Variants in PRR33 observed in about 807,000 individuals in gnomAD.
The protein encoded by PRR33 is proline rich 33.
PRR33 carries 1 observed loss-of-function variant against 0.5 expected under a neutral mutation model. The ratio of observed to expected loss-of-function variants is 2.18; its 90% CI spans 0.77 to 10.34. PRR33 has a LOEUF of 10.34. PRR33 is among the 30% of genes most tolerant of loss of function. The probability of loss-of-function intolerance (pLI) is 0.13; values close to 1 mark genes in which losing one functional copy is unlikely to be tolerated. For synonymous variants in PRR33, 226 were observed against 110.0 expected, an observed-to-expected ratio of 2.06 and a Z score of -6.60; for missense variants, 552 against 251.8, an observed-to-expected ratio of 2.19 and a Z score of -8.07.
the PRR33 span, among the ~76,000 whole-genome samples, chr11:1,899,293 C>A: frequency 6.6e-6 from 1 of 152,084 alleles, no homozygotes; most frequent in Non-Finnish European, 1.5e-5. Context: ...GCGATGCCCT[C>A]TTGAGCGGTG....
the PRR33 span, among the ~76,000 whole-genome samples, chr11:1,914,449 T>C: frequency 1.6e-4 from 24 of 148,356 alleles, 1 homozygote; most frequent in South Asian, 5.0e-3. Flanking sequence ...GTGTGTGTGT[T>C]GTTGGGTCAC....
the PRR33 span, among the ~76,000 whole-genome samples, chr11:1,901,040 G>A: frequency 1.1e-4 from 16 of 152,170 alleles, no homozygotes; most frequent in African/African-American, 3.1e-4. Flanking sequence ...GGCCAGGCAC[G>A]GTGGCTTACG....
the PRR33 span, among the ~76,000 whole-genome samples, chr11:1,903,963 T>C: frequency 6.6e-6 from 1 of 152,206 alleles, no homozygotes; most frequent in Non-Finnish European, 1.5e-5. Context: ...AGCCAGTGAA[T>C]GATCAAATCA....
the PRR33 span, among the ~76,000 whole-genome samples, chr11:1,897,858 G>A: frequency 2.6e-5 from 4 of 152,156 alleles, no homozygotes; most frequent in South Asian, 2.1e-4. The surrounding 1 kb of genome is among the most constrained non-coding windows in gnomAD (Gnocchi z 4.0). Flanking sequence ...AATGCAGAGC[G>A]CCAGGGAGAC....
At chr11:1,912,064 T>C in the PRR33 span, among the ~76,000 whole-genome samples, 1 of 147,248 alleles carries the variant, frequency 6.8e-6, no homozygotes, top group Non-Finnish European at 1.5e-5. Flanking sequence ...CCCAGCTATG[T>C]GAGAGGGTGA....
the PRR33 span, among the ~76,000 whole-genome samples, chr11:1,914,855 G>C: frequency 0.076 from 6,536 of 85,518 alleles, 210 homozygotes; most frequent in South Asian, 0.15. Context: ...AGATGTTTCT[G>C]TGTGTGTGTG....
At chr11:1,909,831 T>C in the PRR33 span, among the ~76,000 whole-genome samples, 1 of 152,204 alleles carries the variant, frequency 6.6e-6, no homozygotes. Flanking sequence ...TGGCTTCATC[T>C]GAGTTGAGGG....
At chr11:1,914,083 G>A in the PRR33 span, among the ~76,000 whole-genome samples, 13 of 152,258 alleles carry the variant, frequency 8.5e-5, no homozygotes, top group East Asian at 2.3e-3. Context: ...GGCGTACCCC[G>A]GTTCCCACCT....
chr11:1,889,026 C>T, exon 1 of PRR33: 1 of 574,438 alleles, frequency 1.7e-6, no homozygotes, highest in South Asian at 2.1e-5. Flanking sequence ...TGCCCTGCAC[C>T]CCATGCCCCT....
Position 1,890,811 on chromosome 11 carries a change from AC to A in PRR33, c.-228del. Reference sequence around the variant, plus strand: ...ATCACCCTAGTGTAGAAATGAGGCCACAGAGGCCGAGTCCCTCCAGGGATGG... The same window carrying A: ...ATCACCCTAGTGTAGAAATGAGGCCAAGAGGCCGAGTCCCTCCAGGGATGG... On this transcript the variant is annotated 5_prime_UTR_variant, in exon 1 of 1. An upstream open reading frame in the 5' UTR gains an earlier in-frame stop. Transcript: ENST00000640310. The A allele has an allele frequency of 1.7e-6, 1 of 578,998 alleles. No homozygotes were observed. Among genetic ancestry groups the A allele is most frequent in the Non-Finnish European group, 3.1e-6 (1 of 324,802 alleles). 35.9% of individuals were successfully genotyped at this position (578,998 alleles called of 1,614,324 possible). A position where few individuals can be genotyped will look rare whatever the true frequency, so the allele number is the denominator to read the frequency against.
the PRR33 span, among the ~76,000 whole-genome samples, chr11:1,913,228 G>A: frequency 1.1e-4 from 16 of 151,570 alleles, no homozygotes; most frequent in African/African-American, 3.6e-4. Flanking sequence ...CCAGCTTCGC[G>A]CCATTCTCCT....
At chr11:1,889,762 G>T in exon 1 of PRR33, 3 of 650,006 alleles carry the variant, frequency 4.6e-6, no homozygotes, top group Non-Finnish European at 8.5e-6. Flanking sequence ...TCCAGCGAGC[G>T]GCAGGTCGGG....
the PRR33 span, among the ~76,000 whole-genome samples, chr11:1,913,315 G>GT: frequency 1.5e-3 from 216 of 143,964 alleles, 1 homozygote; most frequent in African/African-American, 4.8e-3. Flanking sequence ...TTTTTTTTTT[G>GT]TTTTTTTTTT....
At chr11:1,890,471 C>A (rs1444385691) in exon 1 of PRR33, 3 of 717,334 alleles carry the variant, frequency 4.2e-6, no homozygotes, top group Middle Eastern at 2.3e-4. Context: ...GGAGCTTCTG[C>A]AAACGCAAGT....
At chr11:1,909,122 C>T in the PRR33 span, among the ~76,000 whole-genome samples, 2 of 152,342 alleles carry the variant, frequency 1.3e-5, no homozygotes, top group East Asian at 1.9e-4. Flanking sequence ...TGGTAGCTCA[C>T]GCCTGTAATC....
At chr11:1,893,092 T>C (rs1480068410), upstream of PRR33, among the ~76,000 whole-genome samples, 1 of 128,614 alleles carries the variant, frequency 7.8e-6, no homozygotes, top group African/African-American at 2.9e-5. Context: ...GGTGGGTGAG[T>C]GGAGGGATGG....
chr11:1,917,448 A>T, the PRR33 span, among the ~76,000 whole-genome samples: 1 of 151,948 alleles, frequency 6.6e-6, no homozygotes, highest in Non-Finnish European at 1.5e-5. Context: ...ATCCCCCAAC[A>T]ACTGCCCTAG....
chr11:1,901,096 G>C, the PRR33 span, among the ~76,000 whole-genome samples: 1 of 152,200 alleles, frequency 6.6e-6, no homozygotes, highest in Non-Finnish European at 1.5e-5. Flanking sequence ...CAGATCACAA[G>C]GTCAGGAGTT....
At chr11:1,917,514 A>T in the PRR33 span, among the ~76,000 whole-genome samples, 1 of 152,064 alleles carries the variant, frequency 6.6e-6, no homozygotes, top group Non-Finnish European at 1.5e-5. Flanking sequence ...TGCGTCCCCA[A>T]CCCAGGCTGG....
Sources: allele counts gnomAD v4.1 joint callset (sites outside exome capture counted in the v4.1 genomes callset), GRCh38; gene constraint gnomAD v4.1.1; non-coding constraint Gnocchi (gnomAD v3.1); transcripts MANE v1.5; gene names NCBI Gene and HGNC (gene_info 2026-07-23, HGNC 2026-07-21).